The following SLC44A5 variants were observed in gnomAD, a reference collection of about 807,000 sequenced individuals.
SLC44A5 encodes the protein choline transporter-like protein 5.
Under a neutral mutation model 101.8 loss-of-function variants are expected in SLC44A5, and 57 were observed. The ratio of observed to expected loss-of-function variants is 0.56; its 90% confidence interval spans 0.45 to 0.70. The LOEUF (loss-of-function observed/expected upper bound fraction) is 0.70. Ranked by LOEUF, SLC44A5 falls within the 30% of genes least tolerant of loss-of-function variation. The pLI, the probability that SLC44A5 is intolerant of heterozygous loss-of-function variation, is 0.00. For missense variants in SLC44A5, 737 were observed against 853.1 expected (o/e 0.86, Z 1.70); for synonymous variants, 281 against 290.9 (o/e 0.97, Z 0.35).
the SLC44A5 span, among the ~76,000 whole-genome samples, chr1:75,643,712 C>T: frequency 6.6e-6 from 1 of 152,272 alleles, no homozygotes; most frequent in Non-Finnish European, 1.5e-5. Context: ...CCTGCATGTG[C>T]TCCCTGGCCT....
intron 5 of SLC44A5, among the ~76,000 whole-genome samples, chr1:75,299,908 C>T (rs4949841): frequency 0.3 from 44,589 of 148,276 alleles, 8,042 homozygotes; most frequent in East Asian, 0.81. Context: ...CCCAGCTACT[C>T]GGGAGGCTGA....
At chr1:75,242,822 G>A (rs982726444) in intron 8 of SLC44A5, 64 bp downstream of exon 8, 4 of 1,497,884 alleles carry the variant, frequency 2.7e-6, no homozygotes, top group Non-Finnish European at 3.6e-6. Flanking sequence ...AAATTCTCAC[G>A]TTACACTTGA....
intron 1 of SLC44A5, among the ~76,000 whole-genome samples, chr1:75,554,059 A>C (rs1672087386): frequency 6.6e-6 from 1 of 152,194 alleles, no homozygotes; most frequent in African/African-American, 2.4e-5. Context: ...CGTGTGTAAG[A>C]AGCATTTGAT....
chr1:75,688,751 G>C, the SLC44A5 span, among the ~76,000 whole-genome samples: 1 of 152,146 alleles, frequency 6.6e-6, no homozygotes, highest in Non-Finnish European at 1.5e-5. Flanking sequence ...ACAAGTGTCA[G>C]TATCCCCTCA....
At position 75,595,484 on chromosome 1, in the gene SLC44A5, C is replaced by T. The variant is rs192245226; in HGVS notation, c.-70+15556G>A. Among the ~76,000 whole-genome samples, 428 of 152,116 alleles carry T rather than the reference C, an allele frequency of 2.8e-3. 1 individual carries two copies. The highest frequency in any genetic ancestry group is 0.01 in the Middle Eastern group (3 of 292). On this transcript the variant is annotated intron_variant, in intron 1 of 23. Transcript: ENST00000370859. ...AAACTTTTGATGAGTTAGATAGTTC[C>T]CTATTTGAAACCTGAAAGAAATGAA...
chr1:75,544,512 C>A (rs950076941), intron 1 of SLC44A5, among the ~76,000 whole-genome samples: 2 of 151,926 alleles, frequency 1.3e-5, no homozygotes, highest in African/African-American at 2.4e-5. Context: ...TGCACACACA[C>A]ACACACACAC....
At chr1:75,335,394 C>A (rs147648795) in intron 4 of SLC44A5, among the ~76,000 whole-genome samples, 1 of 152,002 alleles carries the variant, frequency 6.6e-6, no homozygotes, top group Non-Finnish European at 1.5e-5. Context: ...GTTGCCCTGA[C>A]CAGTTCATTC....
intron 2 of SLC44A5, among the ~76,000 whole-genome samples, chr1:75,403,669 G>T (rs901766414): frequency 7.2e-5 from 11 of 152,174 alleles, no homozygotes; most frequent in African/African-American, 2.6e-4. Flanking sequence ...CAAAAAGGAT[G>T]CCCACACAAA....
chr1:75,697,863 C>T, the SLC44A5 span, among the ~76,000 whole-genome samples: 1 of 152,208 alleles, frequency 6.6e-6, no homozygotes, highest in Admixed American at 6.5e-5. Context: ...TCACGGAGTT[C>T]CCTTTCCTAG....
chr1:75,388,078 G>A (rs1434918667), intron 3 of SLC44A5, among the ~76,000 whole-genome samples: 1 of 107,940 alleles, frequency 9.3e-6, no homozygotes, highest in African/African-American at 3.6e-5. Context: ...GGGGGAGGGG[G>A]GAGGGATAGC....
intron 2 of SLC44A5, among the ~76,000 whole-genome samples, chr1:75,481,473 C>G (rs1224807213): frequency 2.0e-5 from 3 of 150,380 alleles, no homozygotes; most frequent in African/African-American, 7.3e-5. Flanking sequence ...AGGCAACCTA[C>G]AAAATGGGAG....
chr1:75,310,346 T>G (rs1005853834), intron 4 of SLC44A5, among the ~76,000 whole-genome samples: 1 of 152,188 alleles, frequency 6.6e-6, no homozygotes, highest in Non-Finnish European at 1.5e-5. Context: ...TCTTCATGTT[T>G]ATGCCTCATG....
chr1:75,317,700 G>T (rs1212421388), intron 4 of SLC44A5, among the ~76,000 whole-genome samples: 1 of 152,118 alleles, frequency 6.6e-6, no homozygotes, highest in Non-Finnish European at 1.5e-5. Context: ...AGATCAGTGT[G>T]CCTGCATGGT....
chr1:75,593,699 A>C (rs1674481452), intron 1 of SLC44A5, among the ~76,000 whole-genome samples: 1 of 152,066 alleles, frequency 6.6e-6, no homozygotes, highest in African/African-American at 2.4e-5. Context: ...TGCAGATGGA[A>C]CTCGGGATTA....
chr1:75,347,953 T>C (rs1380796967), intron 3 of SLC44A5, among the ~76,000 whole-genome samples: 1 of 152,168 alleles, frequency 6.6e-6, no homozygotes, highest in Non-Finnish European at 1.5e-5. Context: ...TTATTTCTGT[T>C]ATATTCTGCA....
intron 3 of SLC44A5, among the ~76,000 whole-genome samples, chr1:75,383,764 C>A (rs1661083571): frequency 6.6e-6 from 1 of 151,886 alleles, no homozygotes. Context: ...TCAGATTCAC[C>A]AAAGTTGAAA....
the SLC44A5 span, among the ~76,000 whole-genome samples, chr1:75,711,393 G>T: frequency 6.6e-6 from 1 of 152,170 alleles, no homozygotes; most frequent in African/African-American, 2.4e-5. Context: ...CACATAGCTT[G>T]TGGGCCTCTT....
At chr1:75,220,347 T>C (rs1647052679) in intron 14 of SLC44A5, among the ~76,000 whole-genome samples, 1 of 152,130 alleles carries the variant, frequency 6.6e-6, no homozygotes. Flanking sequence ...ATGACATGGC[T>C]TATTCTATTT....
At chr1:75,697,590 C>T in the SLC44A5 span, among the ~76,000 whole-genome samples, 1 of 152,138 alleles carries the variant, frequency 6.6e-6, no homozygotes, top group Admixed American at 6.6e-5. Flanking sequence ...AGTTCGAGAC[C>T]AGCCTGAGCA....
Sources: allele counts gnomAD v4.1 joint callset (sites outside exome capture counted in the v4.1 genomes callset), GRCh38; gene constraint gnomAD v4.1.1; transcripts MANE v1.5; gene names NCBI Gene and HGNC (gene_info 2026-07-23, HGNC 2026-07-21).